The following EPB41 variants were observed in gnomAD, a reference collection of about 807,000 sequenced individuals.
The protein encoded by EPB41 is protein 4.1.
Under a neutral mutation model 108.0 loss-of-function variants are expected in EPB41, and 65 were observed. That is an observed-to-expected ratio of 0.60 (90% CI 0.49 to 0.74). The LOEUF (loss-of-function observed/expected upper bound fraction) is 0.74, where lower values mean the gene tolerates loss of function less well. Ranked by LOEUF, EPB41 falls within the 30% of genes least tolerant of loss-of-function variation. The pLI, the probability that EPB41 is intolerant of heterozygous loss-of-function variation, is 0.00. For missense variants in EPB41, 875 were observed against 1,037.0 expected (o/e 0.84, Z 2.15); for synonymous variants, 336 against 358.9 (o/e 0.94, Z 0.72).
chr1:29,001,824 G>A (rs997848373), intron 4 of EPB41, among the ~76,000 whole-genome samples: 1 of 152,098 alleles, frequency 6.6e-6, no homozygotes, highest in Non-Finnish European at 1.5e-5. Flanking sequence ...GAAGTTGAGA[G>A]TTTACAATTA....
chr1:28,990,968 T>C (rs1451170885), intron 2 of EPB41, among the ~76,000 whole-genome samples: 1 of 152,114 alleles, frequency 6.6e-6, no homozygotes, highest in Non-Finnish European at 1.5e-5. Context: ...AGAAACGATA[T>C]TGTTAGTAAA....
At chr1:29,074,738 A>G (rs1322078215) in intron 16 of EPB41, among the ~76,000 whole-genome samples, 2 of 152,266 alleles carry the variant, frequency 1.3e-5, no homozygotes. Context: ...CTTGAAAGAC[A>G]AAAGGAAGAT....
At chr1:28,888,625 ATTTC>A (rs2089734553) in intron 1 of EPB41, among the ~76,000 whole-genome samples, 2 of 152,050 alleles carry the variant, frequency 1.3e-5, no homozygotes, top group Non-Finnish European at 2.9e-5. Flanking sequence ...GGGAATTATT[ATTTC>A]TTCTTTTTTT....
At chr1:28,891,659 G>A (rs1233380084) in intron 1 of EPB41, among the ~76,000 whole-genome samples, 1 of 152,188 alleles carries the variant, frequency 6.6e-6, no homozygotes, top group East Asian at 1.9e-4. Context: ...GTAAAATCAG[G>A]TGAGAATGTG....
At chr1:28,917,554 C>T (rs2092773744) in intron 1 of EPB41, among the ~76,000 whole-genome samples, 1 of 152,052 alleles carries the variant, frequency 6.6e-6, no homozygotes, top group African/African-American at 2.4e-5. Flanking sequence ...GCTGGGATTA[C>T]AGGCATGAGC....
At chr1:28,985,243 C>T (rs1395611553) in intron 1 of EPB41, among the ~76,000 whole-genome samples, 2 of 152,036 alleles carry the variant, frequency 1.3e-5, no homozygotes, top group Admixed American at 6.6e-5. Flanking sequence ...GGATTACAGC[C>T]GTGAGCCACT....
At chr1:28,951,209 T>C (rs1424836117) in intron 1 of EPB41, among the ~76,000 whole-genome samples, 1 of 152,184 alleles carries the variant, frequency 6.6e-6, no homozygotes, top group African/African-American at 2.4e-5. Context: ...ATTATGGCTT[T>C]TGGTTTTTAA....
intron 15 of EPB41, among the ~76,000 whole-genome samples, chr1:29,061,523 C>T (rs1315920489): frequency 6.7e-6 from 1 of 150,138 alleles, no homozygotes; most frequent in Non-Finnish European, 1.5e-5. Context: ...CCCACCTTGG[C>T]CTCCCAAAGT....
At position 29,039,324 on chromosome 1, in the gene EPB41, C is replaced by T. The variant is rs375615372; in HGVS notation, c.1534C>T (p.Arg512Trp). The T allele has an allele frequency of 8.7e-6, 14 of 1,613,964 alleles. No individual in the cohort carries two copies. Among genetic ancestry groups the T allele is most frequent in the African/African-American group, 2.7e-5 (2 of 74,880 alleles). The change falls in exon 11 of 21, where the codon CGG becomes TGG. Residue 512 changes from arginine (R) to tryptophan (W), a missense_variant. By Grantham distance (101) the Arg-to-Trp change is moderately radical. This residue lies in a region of EPB41 where 519 missense variants were observed against 627.3 expected (regional missense o/e 0.83). Transcript: ENST00000343067. ...ALGSKFRYSG[R>W]TQAQTRQASA... ...AGGATCCAAATTTCGATACAGTGGC[C>T]GGACTCAAGCTCAGACCAGGCAAGC...
At chr1:28,898,987 C>T (rs1422509574) in intron 1 of EPB41, among the ~76,000 whole-genome samples, 1 of 151,616 alleles carries the variant, frequency 6.6e-6, no homozygotes, top group African/African-American at 2.4e-5. Flanking sequence ...CGGGGTAGAG[C>T]TGGATCCCTC....
intron 1 of EPB41, among the ~76,000 whole-genome samples, chr1:28,948,939 G>A: frequency 6.6e-6 from 1 of 152,122 alleles, no homozygotes; most frequent in East Asian, 1.9e-4. Context: ...GACGGAGCGA[G>A]ACTCCATCTC....
At chr1:28,998,326 G>T (rs1191932767) in intron 4 of EPB41, among the ~76,000 whole-genome samples, 2 of 152,164 alleles carry the variant, frequency 1.3e-5, no homozygotes, top group Non-Finnish European at 2.9e-5. Flanking sequence ...CTGAACATAG[G>T]ATATGAGGAA....
At chr1:29,105,734 T>C (rs1477589354) in intron 17 of EPB41, among the ~76,000 whole-genome samples, 1 of 149,370 alleles carries the variant, frequency 6.7e-6, no homozygotes, top group African/African-American at 2.4e-5. Context: ...TGAATGTTCA[T>C]GTACAGATCT....
chr1:29,115,754 C>T lies in EPB41; in HGVS notation c.2552C>T (p.Thr851Ile). Reference protein sequence around the residue: ...AKEQHPDMSVTKVVVHQETEI... With the variant: ...AKEQHPDMSVIKVVVHQETEI... The stretch of plus-strand genomic sequence containing the variant: ...GAGCAGCACCCAGACATGTCAGTGA[C>T]CAAGGTGGTCGTCCACCAGGAGACC... The change falls in exon 20 of 21, where the codon ACC (threonine) becomes ATC (isoleucine). Residue 851 changes from threonine to isoleucine, a missense_variant. By Grantham distance (89) the Thr-to-Ile change is moderately conservative. Around this residue, in one of 3 missense-constraint regions of EPB41, gnomAD observed 519 missense variants for 627.3 expected, o/e 0.83. Coordinates refer to ENST00000343067, the MANE Select transcript of EPB41 (RefSeq NM_001376013.1). This position sits in a 1 kb window ranked among gnomAD's most constrained non-coding sequence, Gnocchi z 4.4. The T allele has an allele frequency of 6.2e-7, 1 of 1,614,090 alleles. No homozygotes were observed. The highest frequency in any genetic ancestry group is 8.5e-7 in the Non-Finnish European group (1 of 1,180,016).
Position 28,887,502 on chromosome 1 carries a change from T to G in EPB41, c.-8+292T>G. On this transcript the variant is annotated intron_variant, in intron 1 of 16. Coordinates refer to the EPB41 transcript ENST00000347529. The surrounding 1 kb of genome is among the most constrained non-coding windows in gnomAD (Gnocchi z 4.9). ...GTCCGGGTCCGGCCGGTCCTGGCTG[T>G]CTGGGGCGGGGGTCCTGCATTCGGT... 1 of 985,144 alleles carries G rather than the reference T, an allele frequency of 1.0e-6. No individual in the cohort carries two copies. Among genetic ancestry groups the G allele is most frequent in the Non-Finnish European group, 1.2e-6 (1 of 829,822 alleles). 61.0% of individuals were successfully genotyped at this position (985,144 alleles called of 1,614,324 possible). A position where few individuals can be genotyped will look rare whatever the true frequency, so the allele number is the denominator to read the frequency against.
intron 1 of EPB41, among the ~76,000 whole-genome samples, chr1:28,906,130 A>G (rs1310486115): frequency 6.6e-6 from 1 of 151,914 alleles, no homozygotes; most frequent in Non-Finnish European, 1.5e-5. Flanking sequence ...CAATTTCTCA[A>G]TTTCTTCCCC....
At chr1:29,008,544 G>T (rs2096448857) in intron 4 of EPB41, among the ~76,000 whole-genome samples, 1 of 152,148 alleles carries the variant, frequency 6.6e-6, no homozygotes, top group African/African-American at 2.4e-5. Flanking sequence ...TGACTTCAAA[G>T]CCTGTACCCT....
At chr1:29,020,213 G>A (rs1164100319) in intron 7 of EPB41, among the ~76,000 whole-genome samples, 1 of 151,556 alleles carries the variant, frequency 6.6e-6, no homozygotes, top group South Asian at 2.1e-4. Context: ...GATTACAGGC[G>A]CCCACCAACA....
At chr1:29,113,111 C>A (rs550712) in intron 19 of EPB41, among the ~76,000 whole-genome samples, 100,406 of 151,954 alleles carry the variant, frequency 0.66, 35,282 homozygotes, top group Non-Finnish European at 0.79. Context: ...AATTTCTGGG[C>A]CTGAGTGCTA....
Sources: allele counts gnomAD v4.1 joint callset (sites outside exome capture counted in the v4.1 genomes callset), GRCh38; gene constraint gnomAD v4.1.1; regional missense constraint gnomAD v4.1.1; non-coding constraint Gnocchi (gnomAD v3.1); transcripts MANE v1.5; gene names NCBI Gene and HGNC (gene_info 2026-07-23, HGNC 2026-07-21).